Variants in PDE10A observed in about 807,000 individuals in gnomAD.
PDE10A encodes phosphodiesterase 10A, also known as cAMP and cAMP-inhibited cGMP 3',5'-cyclic phosphodiesterase 10A.
A neutral mutation model predicts 97.7 loss-of-function variants in PDE10A; 39 were observed. The ratio of observed to expected loss-of-function variants is 0.40; its 90% confidence interval spans 0.31 to 0.52. The LOEUF is 0.52. Among genes scored for constraint, PDE10A ranks in the 20% least tolerant of loss-of-function variants. The pLI is 0.56. For missense variants in PDE10A, 731 were observed against 1,047.8 expected (o/e 0.70, Z 4.17); for synonymous variants, 371 against 376.8 (o/e 0.98, Z 0.18).
rs561787960 is a variant in PDE10A, at chr6:165,669,573, C to G, written c.-614-126005G>C. Among the ~76,000 whole-genome samples the G allele has an allele frequency of 8.1e-4, 124 of 152,274 alleles. 1 individual carries two copies. The highest frequency in any genetic ancestry group is 3.4e-3 in the Middle Eastern group (1 of 294). ...TCAATGAGTACAGCCTGGGAGCTAA[C>G]CCTTGCAAGTCTCCTGAATTCAAAT... is the stretch of plus-strand genomic sequence containing the variant. On this transcript the variant is annotated intron_variant, in intron 1 of 19. Transcript: ENST00000366882.
At chr6:165,550,742 G>A (rs1472234175) in intron 1 of PDE10A, among the ~76,000 whole-genome samples, 1 of 152,150 alleles carries the variant, frequency 6.6e-6, no homozygotes, top group South Asian at 2.1e-4. Context: ...TTCAACTTCA[G>A]GCAGAATGTT....
rs546108611 is a variant in PDE10A at position 165,681,615 on chromosome 6, A to C, written c.-614-138047T>G. ...ACAAGGCTACCACTTCTTTGAAGCCATAAAGGAATCTACAATTATTTTATA... is the reference window on the plus strand; with the variant it reads ...ACAAGGCTACCACTTCTTTGAAGCCCTAAAGGAATCTACAATTATTTTATA... On this transcript the variant is annotated intron_variant, in intron 1 of 19. Coordinates refer to the PDE10A transcript ENST00000366882. 9.2e-5 allele frequency among the ~76,000 whole-genome samples: 14 copies of C among 152,364 alleles called. No individual in the cohort carries two copies. In the South Asian group the frequency reaches 1.9e-3, roughly 20 times the overall value.
chr6:165,506,788 C>T (rs560445163), intron 2 of PDE10A, among the ~76,000 whole-genome samples: 12 of 152,192 alleles, frequency 7.9e-5, no homozygotes, highest in African/African-American at 2.2e-4. Context: ...TTTACTGGCA[C>T]CAGCTATAAA....
intron 1 of PDE10A, among the ~76,000 whole-genome samples, chr6:165,543,942 A>G (rs189868597): frequency 7.7e-4 from 118 of 152,292 alleles, no homozygotes; most frequent in African/African-American, 2.7e-3. Context: ...TAAACTACAG[A>G]TATTACATCA....
chr6:165,637,272 CAAT>C (rs1279878071), intron 1 of PDE10A, among the ~76,000 whole-genome samples: 2 of 152,086 alleles, frequency 1.3e-5, no homozygotes, highest in Non-Finnish European at 2.9e-5. Context: ...AAGGCTGAAG[CAAT>C]AAAAAACAAT....
intron 1 of PDE10A, among the ~76,000 whole-genome samples, chr6:165,649,409 A>G (rs1789566112): frequency 6.6e-6 from 1 of 152,100 alleles, no homozygotes; most frequent in Non-Finnish European, 1.5e-5. Flanking sequence ...ACTCCCAGAG[A>G]CAGCATGAGC....
intron 1 of PDE10A, among the ~76,000 whole-genome samples, chr6:165,963,417 T>G (rs554845756): frequency 3.7e-4 from 57 of 152,280 alleles, no homozygotes; most frequent in African/African-American, 1.3e-3. Flanking sequence ...GAGCTGATAT[T>G]TTAAAAAGTG....
At chr6:165,904,790 A>C (rs1463814964) in intron 1 of PDE10A, among the ~76,000 whole-genome samples, 2 of 152,190 alleles carry the variant, frequency 1.3e-5, no homozygotes, top group Admixed American at 6.5e-5. Context: ...TAACCATGGA[A>C]TCTTACTCAG....
Position 165,531,559 on chromosome 6 carries a change from A to T in PDE10A, c.994+11881T>A, listed in dbSNP as rs181080765. On this transcript the variant is annotated intron_variant, in intron 2 of 21. Transcript: ENST00000539869. ...GAACAAAAACAGAAGTTGGGGCAAA[A>T]CCTTCAACAACAAAAAATTTCCAGA... Among the ~76,000 whole-genome samples the T allele has an allele frequency of 2.5e-3, 375 of 152,294 alleles. 6 individuals carry two copies. The highest frequency in any genetic ancestry group is 0.021 in the Admixed American group (328 of 15,274).
intron 1 of PDE10A, among the ~76,000 whole-genome samples, chr6:165,701,662 T>TGTGC (rs1277734211): frequency 1.9e-5 from 2 of 107,606 alleles, no homozygotes; most frequent in Admixed American, 8.2e-5. Flanking sequence ...TGTGTGTGTG[T>TGTGC]GCATGTATGT....
At chr6:165,785,727 A>G (rs1432444696) in intron 1 of PDE10A, among the ~76,000 whole-genome samples, 1 of 152,228 alleles carries the variant, frequency 6.6e-6, no homozygotes, top group East Asian at 1.9e-4. Context: ...ATAAAAGAGA[A>G]TTAAGGATGA....
chr6:165,572,339 G>A (rs1183854966), intron 1 of PDE10A, among the ~76,000 whole-genome samples: 1 of 152,038 alleles, frequency 6.6e-6, no homozygotes, highest in African/African-American at 2.4e-5. Context: ...TTCCTCATTT[G>A]AAAAATGGAG....
chr6:165,769,517 G>T (rs1777948395), intron 1 of PDE10A, among the ~76,000 whole-genome samples: 1 of 152,096 alleles, frequency 6.6e-6, no homozygotes, highest in South Asian at 2.1e-4. Context: ...CTTCCTCTTT[G>T]TCTGCCAAAG....
intron 18 of PDE10A, among the ~76,000 whole-genome samples, chr6:165,377,645 C>T (rs138850069): frequency 1.3e-5 from 2 of 152,092 alleles, no homozygotes; most frequent in East Asian, 3.9e-4. Flanking sequence ...TTATTTACAA[C>T]CCCAGAAGAA....
At chr6:165,931,499 C>T (rs1464841236) in intron 1 of PDE10A, among the ~76,000 whole-genome samples, 1 of 152,226 alleles carries the variant, frequency 6.6e-6, no homozygotes, top group Non-Finnish European at 1.5e-5. Context: ...CGAGGCAGAA[C>T]TAATTCTGTG....
chr6:165,834,921 C>A (rs1367976330), intron 1 of PDE10A, among the ~76,000 whole-genome samples: 1 of 152,264 alleles, frequency 6.6e-6, no homozygotes, highest in African/African-American at 2.4e-5. Flanking sequence ...CGGCTCAGTG[C>A]ACCAGCAGGG....
chr6:165,355,107 G>A (rs1655464127), intron 18 of PDE10A, among the ~76,000 whole-genome samples: 1 of 152,060 alleles, frequency 6.6e-6, no homozygotes, highest in South Asian at 2.1e-4. Context: ...ATCTTTTAAT[G>A]ATTTCCTTTA....
At chr6:165,732,005 C>T (rs906250487) in intron 1 of PDE10A, among the ~76,000 whole-genome samples, 13 of 152,150 alleles carry the variant, frequency 8.5e-5, no homozygotes, top group African/African-American at 2.2e-4. Context: ...AAGAAAATTA[C>T]GAGTGTACCC....
intron 1 of PDE10A, among the ~76,000 whole-genome samples, chr6:165,784,065 A>T (rs1487274052): frequency 6.6e-6 from 1 of 152,050 alleles, no homozygotes; most frequent in Admixed American, 6.6e-5. Flanking sequence ...TAAAAATAAA[A>T]AAATTAGCTG....
Sources: allele counts gnomAD v4.1 joint callset (sites outside exome capture counted in the v4.1 genomes callset), GRCh38; gene constraint gnomAD v4.1.1; transcripts MANE v1.5; gene names NCBI Gene and HGNC (gene_info 2026-07-23, HGNC 2026-07-21).